Variants in PARD6G observed in about 807,000 individuals in gnomAD.
PARD6G encodes the protein partitioning defective 6 homolog gamma.
A neutral mutation model predicts 10.7 loss-of-function variants in PARD6G; 7 were observed. That is an observed-to-expected ratio of 0.66 (90% confidence interval 0.37 to 1.23). The LOEUF (loss-of-function observed/expected upper bound fraction) is 1.23. PARD6G is among the 50% of genes most tolerant of loss of function. The pLI is 0.02. For missense variants in PARD6G, 548 were observed against 571.8 expected, an observed-to-expected ratio of 0.96 and a Z score of 0.42; for synonymous variants, 287 against 269.4, an observed-to-expected ratio of 1.07 and a Z score of -0.64.
At chr18:80,230,368 T>C (rs924113754) in intron 1 of PARD6G, among the ~76,000 whole-genome samples, 1 of 152,206 alleles carries the variant, frequency 6.6e-6, no homozygotes, top group African/African-American at 2.4e-5. Context: ...CAGGCGGTCA[T>C]CCTAATGAGG....
intron 1 of PARD6G, among the ~76,000 whole-genome samples, chr18:80,232,490 A>G (rs1420203174): frequency 6.6e-6 from 1 of 152,082 alleles, no homozygotes; most frequent in Non-Finnish European, 1.5e-5. Context: ...CACTTCTTAC[A>G]TGGTGGCAGC....
chr18:80,237,677 G>T (rs1367132912), intron 1 of PARD6G, among the ~76,000 whole-genome samples: 2 of 152,174 alleles, frequency 1.3e-5, no homozygotes, highest in Admixed American at 1.3e-4. Context: ...CCATCAACAA[G>T]TGGGTGAAGG....
chr18:80,167,066 T>C (rs577342019), intron 2 of PARD6G, among the ~76,000 whole-genome samples: 385 of 152,194 alleles, frequency 2.5e-3, no homozygotes, highest in Non-Finnish European at 3.6e-3. Flanking sequence ...GGCAAGACAA[T>C]GGCCAATCAA....
intron 1 of PARD6G, among the ~76,000 whole-genome samples, chr18:80,215,580 A>G (rs1210332659): frequency 6.6e-6 from 1 of 152,176 alleles, no homozygotes; most frequent in African/African-American, 2.4e-5. Context: ...AGATTGTTTT[A>G]AATTAAGATG....
Position 80,157,590 on chromosome 18 carries a change from T to A in PARD6G, c.*2181A>T, listed in dbSNP as rs1295062983. 1 of 152,258 alleles carries A rather than the reference T, an allele frequency of 6.6e-6. No individual in the cohort carries two copies. Among genetic ancestry groups the A allele is most frequent in the Non-Finnish European group, 1.5e-5 (1 of 68,046 alleles). 9.4% of individuals were successfully genotyped at this position (152,258 alleles called of 1,614,324 possible). On this transcript the variant is annotated 3_prime_UTR_variant, in exon 3 of 3. Coordinates refer to ENST00000353265, the MANE Select transcript of PARD6G (RefSeq NM_032510.4). ...CATTTCCTTTGTGAGGGTAACATTA[T>A]TAGTTTTAGTTCCACAAAAACTGCT...
In PARD6G at chr18:80,159,453, T is replaced by G. The variant is rs1201957772; in HGVS notation, c.*318A>C. ...AAAAAAGTAATTTTAAAGCTTCACT[T>G]TAAAAACAAAGTATTTGTAAAAATT... On this transcript the variant is annotated 3_prime_UTR_variant, in exon 3 of 3. Coordinates refer to ENST00000353265, the MANE Select transcript of PARD6G (RefSeq NM_032510.4). The G allele has an allele frequency of 3.7e-6, 1 of 271,058 alleles. No individual in the cohort carries two copies. Among genetic ancestry groups the G allele is most frequent in the African/African-American group, 2.2e-5 (1 of 45,318 alleles). The allele number at this position is 271,058 out of a possible 1,614,324, so 16.8% of individuals were successfully genotyped here.
Position 80,159,715 on chromosome 18 carries a change from C to T in PARD6G, c.*56G>A. The T allele has an allele frequency of 3.7e-6, 5 of 1,342,532 alleles. No individual in the cohort carries two copies. The highest frequency in any genetic ancestry group is 4.8e-6 in the Non-Finnish European group (5 of 1,043,816). The allele number at this position is 1,342,532 out of a possible 1,614,324, so 83.2% of individuals were successfully genotyped here. ...AAATGAGCGGATGCAGTCTGCAGGTCCTGTCCCTGTCCTTACCGGGGAACT... is the reference window on the plus strand; with the variant it reads ...AAATGAGCGGATGCAGTCTGCAGGTTCTGTCCCTGTCCTTACCGGGGAACT... On this transcript the variant is annotated 3_prime_UTR_variant, in exon 3 of 3. Transcript: ENST00000353265.
Position 80,161,905 on chromosome 18 carries a change from A to C in PARD6G, c.296-1299T>G, listed in dbSNP as rs2052703040. 1 of 152,304 alleles carries C rather than the reference A, an allele frequency of 6.6e-6. No homozygotes were observed. The allele number at this position is 152,304 out of a possible 1,614,324, so 9.4% of individuals were successfully genotyped here. ...TTATGACTTGCTTTGGAGATGGGGA[A>C]TGCTGGTTGACAGTTCTGGAAAGGA... On this transcript the variant is annotated intron_variant, in intron 2 of 2. Coordinates refer to ENST00000353265, the MANE Select transcript of PARD6G (RefSeq NM_032510.4). This position sits in a 1 kb window ranked among gnomAD's most constrained non-coding sequence, Gnocchi z 4.6.
rs187845449 is a variant in PARD6G, at chr18:80,158,180, A to G, written c.*1591T>C. ...GAGGATGAATTTAGTATTTGTTAAA[A>G]ATCACTAAGTTCCACGTGACTTCTT... On this transcript the variant is annotated 3_prime_UTR_variant, in exon 3 of 3. Transcript: ENST00000353265. 1 of 152,364 alleles carries G rather than the reference A, an allele frequency of 6.6e-6. No homozygotes were observed. The highest frequency in any genetic ancestry group is 2.4e-5 in the African/African-American group (1 of 41,586). The allele number at this position is 152,364 out of a possible 1,614,324, so 9.4% of individuals were successfully genotyped here.
intron 1 of PARD6G, 179 bp from the exon 2 acceptor site, chr18:80,203,111 G>T: frequency 1.8e-6 from 1 of 545,468 alleles, no homozygotes; most frequent in Non-Finnish European, 3.3e-6. Context: ...GAATAGTGCT[G>T]GAATGAAGCT....
intron 2 of PARD6G, among the ~76,000 whole-genome samples, chr18:80,199,890 C>G (rs930492108): frequency 6.6e-6 from 1 of 152,164 alleles, no homozygotes; most frequent in Non-Finnish European, 1.5e-5. Context: ...AGTGATCCAC[C>G]CGCCTCGGCC....
chr18:80,163,884 T>C (rs1163000851), intron 2 of PARD6G, among the ~76,000 whole-genome samples: 2 of 152,160 alleles, frequency 1.3e-5, no homozygotes, highest in African/African-American at 4.8e-5. Flanking sequence ...AAATATAAGA[T>C]GACGCAGGAG....
intron 2 of PARD6G, among the ~76,000 whole-genome samples, chr18:80,198,461 A>G (rs1164974180): frequency 6.6e-6 from 1 of 152,210 alleles, no homozygotes; most frequent in East Asian, 1.9e-4. Flanking sequence ...ACTGTAAATG[A>G]TATTTAGGAT....
chr18:80,223,681 T>C (rs984012652), intron 1 of PARD6G, among the ~76,000 whole-genome samples: 4 of 152,200 alleles, frequency 2.6e-5, no homozygotes, highest in African/African-American at 9.6e-5. Context: ...TGAGTTACCA[T>C]GTGACCCAGA....
intron 1 of PARD6G, among the ~76,000 whole-genome samples, chr18:80,211,860 T>C (rs1338239814): frequency 6.6e-6 from 1 of 152,158 alleles, no homozygotes; most frequent in Non-Finnish European, 1.5e-5. Context: ...CTCGAAATTT[T>C]ATCACAGAGA....
chr18:80,203,509 C>G (rs986740830), intron 1 of PARD6G, among the ~76,000 whole-genome samples: 5 of 152,066 alleles, frequency 3.3e-5, no homozygotes, highest in African/African-American at 1.2e-4. Flanking sequence ...AGATGAATAT[C>G]CTGAGGACAG....
intron 1 of PARD6G, among the ~76,000 whole-genome samples, chr18:80,235,940 C>T (rs867616242): frequency 7.9e-5 from 12 of 152,188 alleles, no homozygotes; most frequent in Middle Eastern, 3.2e-3. Flanking sequence ...GAGCTGGTAC[C>T]ATTCCTTCTG....
chr18:80,228,873 C>T lies in PARD6G; in HGVS notation c.72+18404G>A, dbSNP rs557345076. Among the ~76,000 whole-genome samples, 1 of 152,340 alleles carries T rather than the reference C, an allele frequency of 6.6e-6. No individual in the cohort carries two copies. The highest frequency in any genetic ancestry group is 2.1e-4 in the South Asian group (1 of 4,832). ...TACTTATAAGGGTGACAAATGGAAA[C>T]AGTAAGTGCATCAAACACATGAAAG... On this transcript the variant is annotated intron_variant, in intron 1 of 2. Transcript: ENST00000353265. This position sits in a 1 kb window ranked among gnomAD's most constrained non-coding sequence, Gnocchi z 4.6.
Position 80,182,958 on chromosome 18 carries a change from C to T in PARD6G, c.295+19752G>A, listed in dbSNP as rs539532805. The stretch of plus-strand genomic sequence containing the variant: ...GCAGGCCCCACACCACGCAGCCAGA[C>T]GCCCCTCCCAGTCCTCCTTCGTCCT... On this transcript the variant is annotated intron_variant, in intron 2 of 2. Coordinates refer to ENST00000353265, the MANE Select transcript of PARD6G (RefSeq NM_032510.4). The surrounding 1 kb of genome is among the most constrained non-coding windows in gnomAD (Gnocchi z 4.5). 19 of 619,840 alleles carry T rather than the reference C, an allele frequency of 3.1e-5. No individual in the cohort carries two copies. Among genetic ancestry groups the T allele is most frequent in the African/African-American group, 5.5e-5 (3 of 54,806 alleles). 38.4% of individuals were successfully genotyped at this position (619,840 alleles called of 1,614,324 possible).
Sources: allele counts gnomAD v4.1 joint callset (sites outside exome capture counted in the v4.1 genomes callset), GRCh38; gene constraint gnomAD v4.1.1; non-coding constraint Gnocchi (gnomAD v3.1); transcripts MANE v1.5; gene names NCBI Gene and HGNC (gene_info 2026-07-23, HGNC 2026-07-21).